The following SUGCT variants were observed in gnomAD, a reference collection of about 807,000 sequenced individuals.
SUGCT encodes succinyl-CoA:glutarate-CoA transferase.
In SUGCT, 41 loss-of-function variants were observed where a neutral mutation model predicts 55.0. The observed-to-expected ratio is 0.74, with a 90% CI of 0.58 to 0.97. The LOEUF (loss-of-function observed/expected upper bound fraction) is 0.97, where lower values mean the gene tolerates loss of function less well. Among genes scored for constraint, SUGCT ranks in the 50% least tolerant of loss-of-function variants. The pLI, the probability that SUGCT is intolerant of heterozygous loss-of-function variation, is 0.00. For missense variants in SUGCT, 568 were observed against 547.8 expected, an observed-to-expected ratio of 1.04 and a Z score of -0.37; for synonymous variants, 187 against 200.4, an observed-to-expected ratio of 0.93 and a Z score of 0.56.
At chr7:40,386,841 G>A (rs1018743859) in intron 9 of SUGCT, among the ~76,000 whole-genome samples, 22 of 152,164 alleles carry the variant, frequency 1.4e-4, no homozygotes, top group Admixed American at 1.1e-3. Flanking sequence ...CTCTGCAAGA[G>A]GAAACTTTTG....
At chr7:40,485,415 T>C (rs1215366158) in intron 11 of SUGCT, among the ~76,000 whole-genome samples, 5 of 143,072 alleles carry the variant, frequency 3.5e-5, no homozygotes, top group East Asian at 3.9e-4. Flanking sequence ...TCTATATACA[T>C]TCTTTTTTTT....
chr7:40,670,555 T>A lies in SUGCT; in HGVS notation c.1090-78879T>A, dbSNP rs188610164. Among the ~76,000 whole-genome samples the A allele has an allele frequency of 6.8e-3, 1,029 of 152,048 alleles. 5 individuals carry two copies. Among genetic ancestry groups the A allele is most frequent in the African/African-American group, 0.013 (534 of 41,478 alleles). ...ACACATAAATCTGACATTAAAAAAA[T>A]TTTTTTTAGAGTCATTGTCTTGCCA... On this transcript the variant is annotated intron_variant, in intron 12 of 13. Coordinates refer to ENST00000335693, the MANE Select transcript of SUGCT (RefSeq NM_001193313.2).
At chr7:41,015,473 C>A in the SUGCT span, among the ~76,000 whole-genome samples, 1 of 152,136 alleles carries the variant, frequency 6.6e-6, no homozygotes, top group East Asian at 1.9e-4. Flanking sequence ...AGACTCTGTA[C>A]ACCAGAATCT....
chr7:40,816,717 G>T (rs1430811027), intron 13 of SUGCT, among the ~76,000 whole-genome samples: 1 of 152,226 alleles, frequency 6.6e-6, no homozygotes, highest in African/African-American at 2.4e-5. Context: ...CTGGGATGGG[G>T]TGGGGTAGTT....
chr7:40,537,985 A>C (rs1794460252), intron 12 of SUGCT: 1 of 152,168 alleles, frequency 6.6e-6, no homozygotes, highest in African/African-American at 2.4e-5. Flanking sequence ...GGTTAGAATA[A>C]TGAACACGAT....
intron 13 of SUGCT, among the ~76,000 whole-genome samples, chr7:40,858,403 CAAAAAAAAAA>C (rs58628576): frequency 8.6e-5 from 3 of 34,754 alleles, no homozygotes; most frequent in East Asian, 1.4e-3. Flanking sequence ...AATTCCATCT[CAAAAAAAAAA>C]AAAAAAAAAA....
At chr7:40,326,658 G>A (rs1796041938) in intron 9 of SUGCT, among the ~76,000 whole-genome samples, 1 of 152,170 alleles carries the variant, frequency 6.6e-6, no homozygotes, top group Admixed American at 6.5e-5. Flanking sequence ...AATTAATAGA[G>A]TTTGAGGAGA....
At chr7:40,905,705 ATTTTTTTTTTCTT>A in the SUGCT span, among the ~76,000 whole-genome samples, 16 of 149,230 alleles carry the variant, frequency 1.1e-4, no homozygotes, top group Non-Finnish European at 1.5e-4. Flanking sequence ...ACCATTTTAA[ATTTTTTTTTTCTT>A]TTTTTTTTTT....
chr7:40,809,684 A>G (rs1207918668), intron 13 of SUGCT, among the ~76,000 whole-genome samples: 1 of 152,052 alleles, frequency 6.6e-6, no homozygotes, highest in Non-Finnish European at 1.5e-5. Context: ...TTATCTGGGT[A>G]TGTTGTGTGA....
At position 40,813,922 on chromosome 7, in the gene SUGCT, A is replaced by G. The variant is rs1197076357; in HGVS notation, c.1154-46394A>G. Among the ~76,000 whole-genome samples, 3 of 152,150 alleles carry G rather than the reference A, an allele frequency of 2.0e-5. No individual in the cohort carries two copies. The East Asian group carries it at 5.8e-4, about 29-fold the overall frequency. ...TTGTAAGACTTGTCTAGTGGTAATG[A>G]ATTCCTTTAGCATTTGCTTGCCCGG... On this transcript the variant is annotated intron_variant, in intron 13 of 13. Transcript: ENST00000335693.
chr7:40,581,610 A>T (rs1797096210), intron 12 of SUGCT, among the ~76,000 whole-genome samples: 2 of 152,222 alleles, frequency 1.3e-5, no homozygotes, highest in Admixed American at 1.3e-4. Flanking sequence ...TGATTTTGTC[A>T]TGCATATTTA....
At chr7:40,365,458 A>G (rs1214172574) in intron 9 of SUGCT, among the ~76,000 whole-genome samples, 2 of 152,108 alleles carry the variant, frequency 1.3e-5, no homozygotes, top group African/African-American at 4.8e-5. Flanking sequence ...AATTAGGAAA[A>G]GAGGAAGTCA....
chr7:40,830,064 A>C (rs918222431), intron 13 of SUGCT, among the ~76,000 whole-genome samples: 9 of 152,096 alleles, frequency 5.9e-5, no homozygotes, highest in Non-Finnish European at 8.8e-5. Context: ...CCACGTCATG[A>C]GCACACCCAA....
intron 9 of SUGCT, among the ~76,000 whole-genome samples, chr7:40,400,187 T>C (rs1785986029): frequency 6.6e-6 from 1 of 152,226 alleles, no homozygotes. Context: ...TTCTTATCAA[T>C]TGAGATGATA....
At chr7:40,207,671 G>C (rs1787056725) in intron 6 of SUGCT, among the ~76,000 whole-genome samples, 1 of 152,018 alleles carries the variant, frequency 6.6e-6, no homozygotes, top group Non-Finnish European at 1.5e-5. Flanking sequence ...ACAAAAATTA[G>C]CCAGGCGTGG....
Position 40,188,479 on chromosome 7 carries a change from A to G in SUGCT, c.227-16A>G, listed in dbSNP as rs78060149. 8 of 1,478,030 alleles carry G rather than the reference A, an allele frequency of 5.4e-6. No homozygotes were observed. In the African/African-American group the frequency reaches 5.7e-5, roughly 11 times the overall value. 91.6% of individuals were successfully genotyped at this position (1,478,030 alleles called of 1,614,324 possible). A position where few individuals can be genotyped will look rare whatever the true frequency, so the allele number is the denominator to read the frequency against. Reference sequence around the variant, plus strand: ...AACAAACCCCAAAGATTAATAGCTCATGTTATTATTTTCAGGAGCTGGTGA... The same window carrying G: ...AACAAACCCCAAAGATTAATAGCTCGTGTTATTATTTTCAGGAGCTGGTGA... On this transcript the variant is annotated splice_polypyrimidine_tract_variant and intron_variant, in intron 3 of 13. Coordinates refer to ENST00000335693, the MANE Select transcript of SUGCT (RefSeq NM_001193313.2).
chr7:40,325,241 TAA>T (rs111717024), intron 9 of SUGCT, among the ~76,000 whole-genome samples: 22 of 152,112 alleles, frequency 1.4e-4, no homozygotes, highest in South Asian at 4.2e-4. Context: ...GATTTTTTTT[TAA>T]AAAGTCAAAA....
chr7:40,615,996 C>A (rs1282524030), intron 12 of SUGCT, among the ~76,000 whole-genome samples: 1 of 152,154 alleles, frequency 6.6e-6, no homozygotes, highest in Non-Finnish European at 1.5e-5. Flanking sequence ...GGAAACATCA[C>A]CTGTTTCTTT....
chr7:40,810,702 C>T (rs1380887398), intron 13 of SUGCT, among the ~76,000 whole-genome samples: 1 of 152,156 alleles, frequency 6.6e-6, no homozygotes, highest in Non-Finnish European at 1.5e-5. Context: ...TATTTTCTCC[C>T]ATTCCATAGG....
Sources: allele counts gnomAD v4.1 joint callset (sites outside exome capture counted in the v4.1 genomes callset), GRCh38; gene constraint gnomAD v4.1.1; transcripts MANE v1.5; gene names NCBI Gene and HGNC (gene_info 2026-07-23, HGNC 2026-07-21).